The following ADGRL2 variants were observed in gnomAD, a reference collection of about 807,000 sequenced individuals.
ADGRL2 encodes the protein calcium-independent alpha-latrotoxin receptor 2.
Under a neutral mutation model 157.4 loss-of-function variants are expected in ADGRL2, and 44 were observed. That is an observed-to-expected ratio of 0.28 (90% confidence interval 0.22 to 0.36). ADGRL2 has a LOEUF of 0.36. Ranked by LOEUF, ADGRL2 falls within the 10% of genes least tolerant of loss-of-function variation. ADGRL2 has a pLI of 1.00. For missense variants in ADGRL2, 1,510 were observed against 1,768.9 expected, an observed-to-expected ratio of 0.85 and a Z score of 2.63; for synonymous variants, 585 against 624.7, an observed-to-expected ratio of 0.94 and a Z score of 0.95.
intron 3 of ADGRL2, among the ~76,000 whole-genome samples, chr1:81,675,172 C>T (rs981815618): frequency 6.6e-6 from 1 of 152,060 alleles, no homozygotes; most frequent in South Asian, 2.1e-4. Flanking sequence ...CACAAAAGAG[C>T]ATAACTTTTT....
At chr1:81,718,406 C>T (rs1308219969) in intron 1 of ADGRL2, among the ~76,000 whole-genome samples, 2 of 151,868 alleles carry the variant, frequency 1.3e-5, no homozygotes, top group East Asian at 3.9e-4. Flanking sequence ...GTTTGTAGTT[C>T]ATGTTCACAC....
intron 1 of ADGRL2, among the ~76,000 whole-genome samples, chr1:81,820,347 A>G (rs964267246): frequency 3.9e-5 from 6 of 152,162 alleles, no homozygotes; most frequent in Non-Finnish European, 7.4e-5. Context: ...GTGTGTCCTA[A>G]TCCGAAAGTA....
intron 3 of ADGRL2, among the ~76,000 whole-genome samples, chr1:81,914,322 C>A (rs2094805940): frequency 6.6e-6 from 1 of 152,072 alleles, no homozygotes; most frequent in African/African-American, 2.4e-5. Flanking sequence ...CTAAAATCTT[C>A]ATATTTCTTC....
chr1:81,881,478 A>G (rs576654488), intron 2 of ADGRL2, among the ~76,000 whole-genome samples: 1 of 152,324 alleles, frequency 6.6e-6, no homozygotes, highest in Non-Finnish European at 1.5e-5. Context: ...GCCTGGTCGT[A>G]CTTCAAATAT....
At chr1:81,885,353 A>C (rs138431249) in intron 2 of ADGRL2, among the ~76,000 whole-genome samples, 2 of 152,344 alleles carry the variant, frequency 1.3e-5, no homozygotes, top group African/African-American at 4.8e-5. Flanking sequence ...TTTAGACATT[A>C]GCGATTACTG....
chr1:81,699,779 C>T (rs2083520206), exon 1 of ADGRL2: 1 of 152,180 alleles, frequency 6.6e-6, no homozygotes, highest in Non-Finnish European at 1.5e-5. Flanking sequence ...TAACTGTGTT[C>T]TATGTGGATC....
intron 1 of ADGRL2, among the ~76,000 whole-genome samples, chr1:81,823,169 A>G (rs1463600109): frequency 1.3e-5 from 2 of 151,904 alleles, no homozygotes; most frequent in East Asian, 3.9e-4. Flanking sequence ...ACAAGCAAAG[A>G]TGAAAGTTTC....
At chr1:81,871,673 C>T (rs572760057) in intron 2 of ADGRL2, among the ~76,000 whole-genome samples, 2 of 152,216 alleles carry the variant, frequency 1.3e-5, no homozygotes, top group East Asian at 1.9e-4. Context: ...ATTTGCATTT[C>T]TCTGATGACC....
intron 3 of ADGRL2, among the ~76,000 whole-genome samples, chr1:81,663,169 T>C (rs184984548): frequency 7.3e-5 from 11 of 151,020 alleles, no homozygotes; most frequent in African/African-American, 2.7e-4. Flanking sequence ...GAAATGCAAT[T>C]GTCTTTAACC....
In ADGRL2 at chr1:81,972,232, ATATTACC is replaced by A. The variant is rs559837763; in HGVS notation, c.3021+316_3021+322del. On this transcript the variant is annotated intron_variant, in intron 17 of 23. Coordinates refer to ENST00000686636, the MANE Select transcript of ADGRL2 (RefSeq NM_001366006.2). ...ATGAATATGTCAGAAAAGTGAAAGA[ATATTACC>A]TTAATTTTTATTATCTTAGTTTCCA... Among the ~76,000 whole-genome samples, 835 of 152,218 alleles carry A rather than the reference ATATTACC, an allele frequency of 5.5e-3. 6 individuals are homozygous for A. The highest frequency in any genetic ancestry group is 0.019 in the African/African-American group (806 of 41,552).
chr1:81,989,530 G>GAAAAA, intron 23 of ADGRL2: 1 of 646,082 alleles, frequency 1.5e-6, no homozygotes, highest in Non-Finnish European at 2.6e-6. Context: ...AATATTAAAT[G>GAAAAA]AAAAATAAAA....
At position 81,942,137 on chromosome 1, in the gene ADGRL2, T is replaced by G. The variant is rs191289443; in HGVS notation, c.409+92T>G. ...CCCCTCTCCCCACAACACTCCTGTA[T>G]TAAAATAATCAGCAGGATCTCATAA... On this transcript the variant is annotated intron_variant, in intron 5 of 23. Transcript: ENST00000686636. The G allele has an allele frequency of 1.6e-5, 9 of 550,868 alleles. No individual in the cohort carries two copies. In the African/African-American group the frequency reaches 1.7e-4, roughly 11 times the overall value. 34.1% of individuals were successfully genotyped at this position (550,868 alleles called of 1,614,324 possible). A position where few individuals can be genotyped will look rare whatever the true frequency, so the allele number is the denominator to read the frequency against.
Position 81,419,935 on chromosome 1 carries a change from T to C in ADGRL2, c.-301-25101T>C, listed in dbSNP as rs569131882. On this transcript the variant is annotated intron_variant, in intron 1 of 24. Coordinates refer to the ADGRL2 transcript ENST00000370721. Reference sequence around the variant, plus strand: ...AAAGAAAAACATTTTTGGCCTACTGTAATTAGTCAAAGGATTAGATATAAT... The same window carrying C: ...AAAGAAAAACATTTTTGGCCTACTGCAATTAGTCAAAGGATTAGATATAAT... Among the ~76,000 whole-genome samples, 180 of 152,322 alleles carry C rather than the reference T, an allele frequency of 1.2e-3. 2 individuals are homozygous for C. The highest frequency in any genetic ancestry group is 4.1e-3 in the African/African-American group (169 of 41,566).
At chr1:81,533,551 G>A (rs1050626955) in intron 2 of ADGRL2, among the ~76,000 whole-genome samples, 1 of 152,060 alleles carries the variant, frequency 6.6e-6, no homozygotes, top group Admixed American at 6.6e-5. Flanking sequence ...AATATTTAAA[G>A]TCTGCAGGCT....
chr1:81,687,233 T>G (rs2083247455), intron 3 of ADGRL2, among the ~76,000 whole-genome samples: 1 of 152,226 alleles, frequency 6.6e-6, no homozygotes, highest in South Asian at 2.1e-4. Flanking sequence ...ACCTGTCTAG[T>G]GCTGTACTGA....
chr1:81,633,780 A>G (rs2082060213), intron 3 of ADGRL2, among the ~76,000 whole-genome samples: 1 of 151,952 alleles, frequency 6.6e-6, no homozygotes, highest in Non-Finnish European at 1.5e-5. Flanking sequence ...CACCTCCAAA[A>G]TGTTTCATCA....
At chr1:81,372,815 ATGT>A (rs1278354656) in intron 1 of ADGRL2, among the ~76,000 whole-genome samples, 1 of 152,174 alleles carries the variant, frequency 6.6e-6, no homozygotes, top group Non-Finnish European at 1.5e-5. Flanking sequence ...CAGATTGATG[ATGT>A]ACTCCCATAT....
At chr1:81,573,606 C>G (rs556846354) in intron 2 of ADGRL2, among the ~76,000 whole-genome samples, 2 of 152,180 alleles carry the variant, frequency 1.3e-5, no homozygotes, top group South Asian at 4.1e-4. Context: ...AGAAGCTGTC[C>G]CCTGTTGGCA....
At chr1:81,966,686 G>C in intron 13 of ADGRL2, 77 bp downstream of exon 13, 1 of 1,281,778 alleles carries the variant, frequency 7.8e-7, no homozygotes, top group Non-Finnish European at 1.1e-6. Flanking sequence ...GAGGTGCTGG[G>C]GATGGGGAGA....
Sources: allele counts gnomAD v4.1 joint callset (sites outside exome capture counted in the v4.1 genomes callset), GRCh38; gene constraint gnomAD v4.1.1; transcripts MANE v1.5; gene names NCBI Gene and HGNC (gene_info 2026-07-23, HGNC 2026-07-21).